The following GABRA4 variants were observed in gnomAD, a reference collection of about 807,000 sequenced individuals.
GABRA4 encodes gamma-aminobutyric acid receptor subunit alpha-4.
A neutral mutation model predicts 49.7 loss-of-function variants in GABRA4; 12 were observed. That is an observed-to-expected ratio of 0.24 (90% confidence interval 0.15 to 0.39). GABRA4 has a LOEUF of 0.39. Ranked by LOEUF, GABRA4 falls within the 10% of genes least tolerant of loss-of-function variation. The probability of loss-of-function intolerance (pLI) is 1.00; values close to 1 mark genes in which losing one functional copy is unlikely to be tolerated. For missense variants in GABRA4, 506 were observed against 686.0 expected (o/e 0.74, Z 2.93); for synonymous variants, 288 against 240.2 (o/e 1.20, Z -1.84).
rs1222318201 is a variant in GABRA4 at position 46,928,079 on chromosome 4, C to T, written c.*146G>A. 1.7e-5 allele frequency: 11 copies of T among 648,440 alleles called. No individual in the cohort carries two copies. The highest frequency in any genetic ancestry group is 2.4e-5 in the Non-Finnish European group (10 of 410,848). The allele number at this position is 648,440 out of a possible 1,614,324, so 40.2% of individuals were successfully genotyped here. ...ACTTTTTCACTCAGGAATTAATTAA[C>T]TCTCCCAATAACTGGCTTATATCTT... is the stretch of plus-strand genomic sequence containing the variant. On this transcript the variant is annotated 3_prime_UTR_variant, in exon 9 of 9. Coordinates refer to ENST00000264318, the MANE Select transcript of GABRA4 (RefSeq NM_000809.4).
At chr4:46,935,763 C>A (rs1354398200) in intron 8 of GABRA4, among the ~76,000 whole-genome samples, 1 of 152,058 alleles carries the variant, frequency 6.6e-6, no homozygotes. Context: ...CACGTGTATA[C>A]CTATGTAACA....
chr4:46,954,550 G>T (rs10023110), intron 8 of GABRA4, among the ~76,000 whole-genome samples: 76,388 of 144,218 alleles, frequency 0.53, 20,015 homozygotes, highest in East Asian at 0.67. Flanking sequence ...ATAGTGAAAC[G>T]CCATCCAAAA....
chr4:46,931,051 T>C (rs1721415950), intron 8 of GABRA4, among the ~76,000 whole-genome samples: 1 of 151,934 alleles, frequency 6.6e-6, no homozygotes, highest in Admixed American at 6.6e-5. Context: ...GTACCAGAGA[T>C]AAGAATGCTA....
At chr4:46,952,903 A>T (rs772122444) in intron 8 of GABRA4, among the ~76,000 whole-genome samples, 14 of 152,172 alleles carry the variant, frequency 9.2e-5, no homozygotes, top group Non-Finnish European at 1.6e-4. Context: ...AATTTCACCA[A>T]TGGAAATGTG....
chr4:46,922,543 A>G lies in GABRA4; in HGVS notation c.*5682T>C, dbSNP rs1024317885. 5 of 152,174 alleles carry G rather than the reference A, an allele frequency of 3.3e-5. No individual in the cohort carries two copies. Among genetic ancestry groups the G allele is most frequent in the African/African-American group, 4.8e-5 (2 of 41,460 alleles). 9.4% of individuals were successfully genotyped at this position (152,174 alleles called of 1,614,324 possible). A position where few individuals can be genotyped will look rare whatever the true frequency, so the allele number is the denominator to read the frequency against. On this transcript the variant is annotated 3_prime_UTR_variant, in exon 9 of 9. Coordinates refer to ENST00000264318, the MANE Select transcript of GABRA4 (RefSeq NM_000809.4). ...TTCAAGAAATAGAGGAAGAGTTTAT[A>G]TAAATAGGTCTCTGTAGTCTCAAAA...
chr4:46,920,685 T>C lies in GABRA4; in HGVS notation c.*7540A>G, dbSNP rs1342267169. On this transcript the variant is annotated 3_prime_UTR_variant, in exon 9 of 9. Transcript: ENST00000264318. ...ACACACACTCACACCAAAATTCCAATGTATTACAGGGAGGTATTTCCAAAT... is the reference window on the plus strand; with the variant it reads ...ACACACACTCACACCAAAATTCCAACGTATTACAGGGAGGTATTTCCAAAT... 1 of 151,728 alleles carries C rather than the reference T, an allele frequency of 6.6e-6. No homozygotes were observed. Among genetic ancestry groups the C allele is most frequent in the Non-Finnish European group, 1.5e-5 (1 of 67,742 alleles). 9.4% of individuals were successfully genotyped at this position (151,728 alleles called of 1,614,324 possible). A position where few individuals can be genotyped will look rare whatever the true frequency, so the allele number is the denominator to read the frequency against.
At chr4:46,981,637 A>C (rs1723360603) in intron 2 of GABRA4, among the ~76,000 whole-genome samples, 1 of 152,122 alleles carries the variant, frequency 6.6e-6, no homozygotes, top group Admixed American at 6.6e-5. Context: ...AACAAGACTC[A>C]GGAATTCCCT....
intron 2 of GABRA4, 29 bp downstream of exon 2, chr4:46,992,797 GAC>G (rs1560487425): frequency 6.8e-7 from 1 of 1,462,658 alleles, no homozygotes; most frequent in Middle Eastern, 1.7e-4. Context: ...GGACAGACAG[GAC>G]ACACTTGCGC....
At chr4:46,950,166 G>C (rs1282209348) in intron 8 of GABRA4, among the ~76,000 whole-genome samples, 4 of 152,102 alleles carry the variant, frequency 2.6e-5, no homozygotes, top group Non-Finnish European at 5.9e-5. Flanking sequence ...GCACAAGAGA[G>C]AGTGCCTGTT....
At chr4:46,973,370 T>G (rs549664605) in intron 6 of GABRA4, among the ~76,000 whole-genome samples, 1 of 151,808 alleles carries the variant, frequency 6.6e-6, no homozygotes, top group South Asian at 2.1e-4. Context: ...CCCTACACCT[T>G]TGGGGTCCCC....
At chr4:46,941,376 C>A (rs1007922268) in intron 8 of GABRA4, among the ~76,000 whole-genome samples, 7 of 151,916 alleles carry the variant, frequency 4.6e-5, no homozygotes, top group Non-Finnish European at 7.4e-5. Flanking sequence ...ACTTATTTAG[C>A]CTTCCTGTGC....
chr4:46,982,498 A>C (rs899549418), intron 2 of GABRA4, among the ~76,000 whole-genome samples: 9 of 152,002 alleles, frequency 5.9e-5, no homozygotes, highest in African/African-American at 2.2e-4. Flanking sequence ...GTATCCCCAG[A>C]ACTGTGAAAA....
rs3215202 is a variant in GABRA4 at position 46,992,955 on chromosome 4, GAA to G, written c.87-11_87-10del. On this transcript the variant is annotated splice_polypyrimidine_tract_variant and intron_variant, in intron 1 of 8. Coordinates refer to ENST00000264318, the MANE Select transcript of GABRA4 (RefSeq NM_000809.4). ...CTGGGGATTCGTTTAAACTGCAAGC[GAA>G]AAAAAAAAAACCGGGGGCGGAGGAG... is the stretch of plus-strand genomic sequence containing the variant. The G allele has an allele frequency of 2.2e-4, 284 of 1,299,454 alleles. No individual in the cohort carries two copies. Among genetic ancestry groups the G allele is most frequent in the African/African-American group, 5.8e-4 (38 of 65,728 alleles). 80.5% of individuals were successfully genotyped at this position (1,299,454 alleles called of 1,614,324 possible).
intron 2 of GABRA4, among the ~76,000 whole-genome samples, chr4:46,980,036 G>C (rs978553779): frequency 2.0e-5 from 3 of 151,510 alleles, no homozygotes; most frequent in Admixed American, 1.3e-4. Context: ...TTCAAATTTG[G>C]TTCTAACATC....
chr4:46,969,175 T>G (rs1310793722), intron 7 of GABRA4, among the ~76,000 whole-genome samples: 1 of 151,548 alleles, frequency 6.6e-6, no homozygotes, highest in Non-Finnish European at 1.5e-5. Context: ...CTCCACATTC[T>G]GCACTTATGA....
chr4:46,971,941 A>T (rs1722961077), intron 6 of GABRA4, among the ~76,000 whole-genome samples: 1 of 150,780 alleles, frequency 6.6e-6, no homozygotes, highest in African/African-American at 2.4e-5. Context: ...AAACCATAAG[A>T]TTTCTGGTAG....
At chr4:46,965,988 C>G (rs1241019829) in intron 7 of GABRA4, among the ~76,000 whole-genome samples, 1 of 147,746 alleles carries the variant, frequency 6.8e-6, no homozygotes, top group African/African-American at 2.4e-5. Context: ...TACTTCTCCT[C>G]CATCAATAGG....
intron 8 of GABRA4, among the ~76,000 whole-genome samples, chr4:46,963,086 T>G (rs147196611): frequency 6.6e-6 from 1 of 151,758 alleles, no homozygotes; most frequent in Non-Finnish European, 1.5e-5. Flanking sequence ...AAAACCACAA[T>G]GGACAGAAGG....
intron 7 of GABRA4, among the ~76,000 whole-genome samples, chr4:46,966,041 G>GA (rs1427418704): frequency 6.7e-6 from 1 of 150,228 alleles, no homozygotes; most frequent in African/African-American, 2.4e-5. Context: ...CCTTAGCTTG[G>GA]AAAAAATGTC....
Sources: allele counts gnomAD v4.1 joint callset (sites outside exome capture counted in the v4.1 genomes callset), GRCh38; gene constraint gnomAD v4.1.1; transcripts MANE v1.5; gene names NCBI Gene and HGNC (gene_info 2026-07-23, HGNC 2026-07-21).